The following AMBRA1 variants were observed in gnomAD, a reference collection of about 807,000 sequenced individuals.
AMBRA1 encodes activating molecule in BECN1-regulated autophagy protein 1.
A neutral mutation model predicts 125.4 loss-of-function variants in AMBRA1; 47 were observed. The observed-to-expected ratio is 0.37, with a 90% CI of 0.30 to 0.48. The LOEUF (loss-of-function observed/expected upper bound fraction) is 0.48. Among genes scored for constraint, AMBRA1 ranks in the 20% least tolerant of loss-of-function variants. The pLI is 0.99. For missense variants in AMBRA1, 1,331 were observed against 1,693.4 expected (o/e 0.79, Z 3.76); for synonymous variants, 626 against 655.5 (o/e 0.95, Z 0.69).
In AMBRA1 at chr11:46,543,000, A is replaced by C. The variant is rs1317170987; in HGVS notation, c.1017T>G (p.Pro339=). 2 of 1,600,608 alleles carry C rather than the reference A, an allele frequency of 1.2e-6. No individual in the cohort carries two copies. The highest frequency in any genetic ancestry group is 2.2e-5 in the East Asian group (1 of 44,878). Residue 339 remains proline (P), a synonymous_variant, in exon 7 of 18, where the codon CCT becomes CCG. Transcript: ENST00000683756. The surrounding 1 kb of genome is among the most constrained non-coding windows in gnomAD (Gnocchi z 5.9). ...VPPASARATT[P]SFSFVQTEPF... Reference sequence around the variant, plus strand: ...GCTCGGTCTGTACAAAAGAAAAGGAAGGGGTAGTAGCTCTGGCAGAAGCAG... The same window carrying C: ...GCTCGGTCTGTACAAAAGAAAAGGACGGGGTAGTAGCTCTGGCAGAAGCAG...
chr11:46,481,145 G>A (rs1467628568), intron 11 of AMBRA1, among the ~76,000 whole-genome samples: 5 of 152,034 alleles, frequency 3.3e-5, no homozygotes, highest in Admixed American at 2.6e-4. Context: ...GAGGCCTGCC[G>A]TCCCCAGACT....
intron 11 of AMBRA1, among the ~76,000 whole-genome samples, chr11:46,485,651 A>T (rs924523348): frequency 6.6e-6 from 1 of 152,238 alleles, no homozygotes; most frequent in African/African-American, 2.4e-5. Context: ...TGCTGTGTAC[A>T]TTTTAAGGTG....
chr11:46,578,257 C>T (rs2044032144), intron 1 of AMBRA1, among the ~76,000 whole-genome samples: 2 of 151,972 alleles, frequency 1.3e-5, no homozygotes, highest in African/African-American at 2.4e-5. Context: ...GAAGCCGAGG[C>T]GGGTGGATCA....
chr11:46,423,479 C>T (rs1400353301), intron 14 of AMBRA1, among the ~76,000 whole-genome samples: 7 of 152,174 alleles, frequency 4.6e-5, no homozygotes, highest in African/African-American at 1.7e-4. Flanking sequence ...GCAAGCTCCA[C>T]CTCCTGGGTT....
At chr11:46,530,807 G>T (rs1952178966) in intron 7 of AMBRA1, among the ~76,000 whole-genome samples, 1 of 152,188 alleles carries the variant, frequency 6.6e-6, no homozygotes, top group Non-Finnish European at 1.5e-5. Context: ...GCATTTTTAT[G>T]ACTCGTGAAA....
rs528320442 is a variant in AMBRA1 at position 46,425,835 on chromosome 11, G to A, written c.2976+7639C>T. 8.8e-5 allele frequency among the ~76,000 whole-genome samples: 13 copies of A among 148,156 alleles called. 1 individual carries two copies. In the East Asian group the frequency reaches 1.2e-3, roughly 14 times the overall value. On this transcript the variant is annotated intron_variant, in intron 14 of 17. Transcript: ENST00000683756. ...GCCTGTGCAACAAGAGCGAAACTCCGTCTCAAAAACAAAAAAAAAGAAAAC... is the reference window on the plus strand; with the variant it reads ...GCCTGTGCAACAAGAGCGAAACTCCATCTCAAAAACAAAAAAAAAGAAAAC...
intron 17 of AMBRA1, among the ~76,000 whole-genome samples, chr11:46,401,936 TATC>T (rs1380320360): frequency 6.6e-6 from 1 of 152,032 alleles, no homozygotes; most frequent in Non-Finnish European, 1.5e-5. Flanking sequence ...GCCAGACCCT[TATC>T]ATGCTGCAGA....
intron 1 of AMBRA1, among the ~76,000 whole-genome samples, chr11:46,586,524 A>G (rs562084055): frequency 5.3e-5 from 8 of 152,160 alleles, no homozygotes; most frequent in African/African-American, 1.9e-4. Flanking sequence ...AAGAGGGACA[A>G]ATATGCTGTT....
chr11:46,540,498 G>A (rs1038664130), intron 7 of AMBRA1, among the ~76,000 whole-genome samples: 16 of 152,132 alleles, frequency 1.1e-4, no homozygotes, highest in African/African-American at 3.9e-4. Context: ...CTGGTTTCAA[G>A]CATATGGGCA....
chr11:46,441,279 C>T (rs112752165), intron 12 of AMBRA1, among the ~76,000 whole-genome samples: 1,776 of 152,164 alleles, frequency 0.012, 43 homozygotes, highest in African/African-American at 0.041. Flanking sequence ...TTTGGGAGGC[C>T]GAGGTGGGTG....
intron 1 of AMBRA1, among the ~76,000 whole-genome samples, chr11:46,565,697 T>A (rs1256673104): frequency 2.0e-5 from 3 of 151,818 alleles, no homozygotes; most frequent in African/African-American, 7.3e-5. Context: ...CAGAGCCAGA[T>A]CATGTCTCAA....
At chr11:46,557,446 C>T (rs193264343) in intron 1 of AMBRA1, among the ~76,000 whole-genome samples, 4 of 152,164 alleles carry the variant, frequency 2.6e-5, no homozygotes, top group Admixed American at 2.6e-4. Context: ...AAAATGAGAC[C>T]GTCCACTGTA....
chr11:46,580,277 A>G (rs769853154), intron 1 of AMBRA1, among the ~76,000 whole-genome samples: 2 of 152,064 alleles, frequency 1.3e-5, no homozygotes, highest in Non-Finnish European at 2.9e-5. Context: ...CCTACTCTAT[A>G]CTTGTTCTCT....
At chr11:46,403,893 G>A (rs1464829526) in intron 17 of AMBRA1, among the ~76,000 whole-genome samples, 1 of 152,100 alleles carries the variant, frequency 6.6e-6, no homozygotes, top group Non-Finnish European at 1.5e-5. Flanking sequence ...AGCAGAGCAG[G>A]CTTCCCACAT....
At chr11:46,447,309 A>C (rs2864072) in intron 11 of AMBRA1, among the ~76,000 whole-genome samples, 31,634 of 151,904 alleles carry the variant, frequency 0.21, 3,959 homozygotes, top group African/African-American at 0.35. Context: ...CCAAGGCAGG[A>C]GGATCACTTG....
chr11:46,526,397 C>A (rs1017365616), intron 7 of AMBRA1, among the ~76,000 whole-genome samples: 4 of 151,858 alleles, frequency 2.6e-5, no homozygotes, highest in Admixed American at 2.6e-4. Context: ...GCAAGCTGTG[C>A]CAATTCTGGG....
At chr11:46,505,292 T>TCA (rs1950991782) in intron 9 of AMBRA1, among the ~76,000 whole-genome samples, 2 of 152,278 alleles carry the variant, frequency 1.3e-5, no homozygotes, top group South Asian at 4.1e-4. Flanking sequence ...TTCTCCCTCC[T>TCA]CACAGAGCAC....
chr11:46,547,249 T>A lies in AMBRA1; in HGVS notation c.242A>T (p.Glu81Val), dbSNP rs1240707959. 1.2e-6 allele frequency: 2 copies of A among 1,613,898 alleles called. No homozygotes were observed. The highest frequency in any genetic ancestry group is 1.7e-6 in the Non-Finnish European group (2 of 1,179,968). Reference protein sequence around the residue: ...THVNHNIYITEVKTGKCVHSL... With the variant: ...THVNHNIYITVVKTGKCVHSL... ...ATGAACACACTTGCCAGTCTTCACC[T>A]CCGTAATATAGATATTATGGTTCAC... is the stretch of plus-strand genomic sequence containing the variant. Residue 81 changes from glutamate (E) to valine (V), a missense_variant, in exon 4 of 18, where the codon GAG becomes GTG. This residue lies in a region of AMBRA1 where 144 missense variants were observed against 250.4 expected (regional missense o/e 0.58). Transcript: ENST00000683756.
intron 1 of AMBRA1, among the ~76,000 whole-genome samples, chr11:46,588,095 G>A (rs946855932): frequency 3.9e-5 from 6 of 152,200 alleles, no homozygotes; most frequent in African/African-American, 1.4e-4. Flanking sequence ...AACTTTGACA[G>A]GCCAAGTTGG....
Sources: gnomAD v4.1 joint callset for allele counts (sites outside exome capture counted in the v4.1 genomes callset) on GRCh38, gnomAD v4.1.1 for gene constraint, gnomAD v4.1.1 regional missense constraint, Gnocchi (gnomAD v3.1) non-coding constraint, MANE v1.5 for transcripts, NCBI Gene and HGNC (gene_info 2026-07-23, HGNC 2026-07-21) for gene names.